DLG2: variants seen among roughly 807,000 people sequenced by gnomAD.
DLG2 encodes disks large homolog 2.
In DLG2, 45 loss-of-function variants were observed where a neutral mutation model predicts 132.5. That is an observed-to-expected ratio of 0.34 (90% CI 0.27 to 0.44). The LOEUF (loss-of-function observed/expected upper bound fraction) is 0.44. DLG2 is among the 20% of genes least tolerant of loss of function. DLG2 has a pLI of 1.00. For synonymous variants in DLG2, 424 were observed against 419.6 expected (o/e 1.01, Z -0.13); for missense variants, 1,045 against 1,196.9 (o/e 0.87, Z 1.87).
At chr11:85,536,956 G>A (rs547122639) in intron 3 of DLG2, among the ~76,000 whole-genome samples, 2 of 152,234 alleles carry the variant, frequency 1.3e-5, no homozygotes, top group Middle Eastern at 3.2e-3. Context: ...TCTGGGACAG[G>A]TGGGGACTTG....
intron 15 of DLG2, among the ~76,000 whole-genome samples, chr11:83,881,379 C>T (rs147232349): frequency 2.1e-4 from 32 of 152,026 alleles, no homozygotes; most frequent in African/African-American, 7.0e-4. Flanking sequence ...TTAATGGTAC[C>T]GATTTTGATC....
In DLG2 at chr11:84,894,586, G is replaced by A. The variant is rs144491897; in HGVS notation, c.357+217075C>T. ...AAAAGAACTCTACATTCTTGTTCCA[G>A]TGAAGACAAGAATTGTTTGAGTAAA... On this transcript the variant is annotated intron_variant, in intron 6 of 27. Transcript: ENST00000376104. 7.2e-5 allele frequency among the ~76,000 whole-genome samples: 11 copies of A among 152,248 alleles called. 1 individual carries two copies. The highest frequency in any genetic ancestry group is 2.4e-4 in the African/African-American group (10 of 41,540).
chr11:84,630,977 ATT>A (rs2099630559), intron 6 of DLG2, among the ~76,000 whole-genome samples: 2 of 79,218 alleles, frequency 2.5e-5, no homozygotes, highest in Admixed American at 2.7e-4. Flanking sequence ...TCTTAAATGC[ATT>A]TCTCTCTCTC....
chr11:84,105,505 A>C (rs2092840620), intron 9 of DLG2, among the ~76,000 whole-genome samples: 1 of 152,306 alleles, frequency 6.6e-6, no homozygotes, highest in Non-Finnish European at 1.5e-5. Context: ...GAGGACAGTA[A>C]GGGAGAACAG....
intron 6 of DLG2, among the ~76,000 whole-genome samples, chr11:84,994,510 C>T (rs999330288): frequency 5.9e-5 from 9 of 152,116 alleles, no homozygotes; most frequent in African/African-American, 1.9e-4. Context: ...CATGGACTAC[C>T]ACCGTCACCA....
At chr11:83,919,945 C>T (rs1242296925) in intron 15 of DLG2, among the ~76,000 whole-genome samples, 1 of 152,164 alleles carries the variant, frequency 6.6e-6, no homozygotes, top group East Asian at 1.9e-4. Context: ...TGATATCCAT[C>T]TTCATTTGGG....
At chr11:85,569,892 A>G (rs1253637665) in intron 3 of DLG2, among the ~76,000 whole-genome samples, 3 of 152,182 alleles carry the variant, frequency 2.0e-5, no homozygotes, top group African/African-American at 7.2e-5. Flanking sequence ...TACCCAAAGG[A>G]AAATAGATCA....
chr11:85,382,059 C>G (rs747574631), intron 3 of DLG2, among the ~76,000 whole-genome samples: 1 of 152,032 alleles, frequency 6.6e-6, no homozygotes, highest in Non-Finnish European at 1.5e-5. Flanking sequence ...GCATGGGACC[C>G]AGAATAACCA....
At chr11:83,881,639 G>A (rs970855091) in intron 15 of DLG2, among the ~76,000 whole-genome samples, 2 of 152,134 alleles carry the variant, frequency 1.3e-5, no homozygotes, top group African/African-American at 4.8e-5. Context: ...GCTCTCTTAA[G>A]CAGCATCCTT....
chr11:83,463,826 C>T (rs1244440529), intron 26 of DLG2, among the ~76,000 whole-genome samples: 1 of 152,308 alleles, frequency 6.6e-6, no homozygotes. Flanking sequence ...GGATCATCTT[C>T]GACCTGCCTT....
chr11:83,938,199 G>A (rs2081923306), intron 14 of DLG2, among the ~76,000 whole-genome samples: 1 of 152,120 alleles, frequency 6.6e-6, no homozygotes. Context: ...TTATAATGTT[G>A]AATAAAGTTA....
intron 9 of DLG2, among the ~76,000 whole-genome samples, chr11:84,155,732 G>A (rs74445663): frequency 0.012 from 1,868 of 152,124 alleles, 35 homozygotes; most frequent in African/African-American, 0.043. Context: ...TTATATAAAT[G>A]TATTTCTGTA....
chr11:85,600,597 GT>G (rs1474401632), intron 2 of DLG2, among the ~76,000 whole-genome samples: 1 of 152,022 alleles, frequency 6.6e-6, no homozygotes, highest in Non-Finnish European at 1.5e-5. Context: ...ATTTTTATTG[GT>G]TTTTACCAAA....
intron 4 of DLG2, among the ~76,000 whole-genome samples, chr11:85,190,251 A>G (rs2080426447): frequency 6.6e-6 from 1 of 152,238 alleles, no homozygotes. Flanking sequence ...ATTCACAATC[A>G]TACACATTGT....
intron 3 of DLG2, among the ~76,000 whole-genome samples, chr11:85,378,017 T>C (rs1011367077): frequency 2.0e-5 from 3 of 151,966 alleles, no homozygotes; most frequent in Non-Finnish European, 4.4e-5. Flanking sequence ...AACCAGCTGT[T>C]CCCACATATT....
intron 6 of DLG2, among the ~76,000 whole-genome samples, chr11:84,639,348 GTT>G (rs550030032): frequency 0.12 from 14,814 of 126,670 alleles, 596 homozygotes; most frequent in South Asian, 0.19. Context: ...AGATATCTGT[GTT>G]TTTTTTTTTT....
chr11:83,784,989 A>G (rs1396023889), intron 18 of DLG2, among the ~76,000 whole-genome samples: 1 of 152,182 alleles, frequency 6.6e-6, no homozygotes, highest in African/African-American at 2.4e-5. Flanking sequence ...TTCTTACTCT[A>G]TATGAAGTAG....
chr11:83,619,448 T>G lies in DLG2; in HGVS notation c.1940+13763A>C, dbSNP rs541896700. On this transcript the variant is annotated intron_variant, in intron 19 of 27. Coordinates refer to ENST00000376104, the MANE Select transcript of DLG2 (RefSeq NM_001142699.3). ...AGCCGGTATTTGGCATAGGACAGAA[T>G]TGAGTTTTTATCATGTTGTCCTTCT... 2.6e-5 allele frequency among the ~76,000 whole-genome samples: 4 copies of G among 152,332 alleles called. No homozygotes were observed. The South Asian group carries it at 8.3e-4, about 32-fold the overall frequency.
At chr11:83,499,895 A>ATATATATCTATCTATCTATC (rs1296866569) in intron 21 of DLG2, among the ~76,000 whole-genome samples, 6 of 114,522 alleles carry the variant, frequency 5.2e-5, no homozygotes, top group African/African-American at 2.1e-4. Flanking sequence ...ATATATATAT[A>ATATATATCTATCTATCTATC]TATCAGTTCT....
Sources: gnomAD v4.1 joint callset for allele counts (sites outside exome capture counted in the v4.1 genomes callset) on GRCh38, gnomAD v4.1.1 for gene constraint, MANE v1.5 for transcripts, NCBI Gene and HGNC (gene_info 2026-07-23, HGNC 2026-07-21) for gene names.